NRG1: variants seen among roughly 807,000 people sequenced by gnomAD.
The protein encoded by NRG1 is neuregulin 1.
NRG1 carries 18 observed loss-of-function variants against 63.8 expected under a neutral mutation model. The observed-to-expected ratio is 0.28, with a 90% CI of 0.19 to 0.42. NRG1 has a LOEUF of 0.42. Ranked by LOEUF, NRG1 falls within the 10% of genes least tolerant of loss-of-function variation. The pLI, the probability that NRG1 is intolerant of heterozygous loss-of-function variation, is 1.00. For synonymous variants in NRG1, 302 were observed against 301.3 expected (o/e 1.00, Z -0.02); for missense variants, 762 against 814.7 (o/e 0.94, Z 0.79).
intron 1 of NRG1, among the ~76,000 whole-genome samples, chr8:32,307,783 C>T (rs1244588048): frequency 6.6e-6 from 1 of 152,146 alleles, no homozygotes; most frequent in Non-Finnish European, 1.5e-5. Flanking sequence ...AGCATGGCTG[C>T]AGGGTACTCA....
chr8:32,012,628 A>G (rs1397834792), intron 1 of NRG1, among the ~76,000 whole-genome samples: 1 of 152,122 alleles, frequency 6.6e-6, no homozygotes, highest in Non-Finnish European at 1.5e-5. Flanking sequence ...CATCATTTAT[A>G]GCTAATTGAA....
intron 1 of NRG1, among the ~76,000 whole-genome samples, chr8:31,936,216 G>T (rs1466287192): frequency 6.6e-6 from 1 of 152,148 alleles, no homozygotes; most frequent in Non-Finnish European, 1.5e-5. Context: ...TTCTATTTAA[G>T]TATTAAGTAT....
chr8:32,548,246 C>A (rs933566215), upstream of NRG1: 3 of 985,570 alleles, frequency 3.0e-6, no homozygotes, highest in Admixed American at 6.1e-5. Flanking sequence ...CGCCTGCCTC[C>A]AACCTGCGGG....
chr8:32,353,428 TTG>T (rs1190012590), intron 1 of NRG1, among the ~76,000 whole-genome samples: 4 of 151,888 alleles, frequency 2.6e-5, no homozygotes, highest in Non-Finnish European at 4.4e-5. Context: ...TTGTAATATT[TTG>T]TAACTAATGA....
In NRG1 at chr8:32,046,625, A is replaced by T. The variant is rs532260792; in HGVS notation, c.37+407194A>T. Among the ~76,000 whole-genome samples the T allele has an allele frequency of 2.0e-5, 3 of 152,240 alleles. No homozygotes were observed. The South Asian group carries it at 6.2e-4, about 32-fold the overall frequency. Reference sequence around the variant, plus strand: ...GTCAATTAAAAGGAATGAATTATTGATTTGTGCAACAACTTGGATGAATTT... The same window carrying T: ...GTCAATTAAAAGGAATGAATTATTGTTTTGTGCAACAACTTGGATGAATTT... On this transcript the variant is annotated intron_variant, in intron 1 of 10. Transcript: ENST00000519301.
intron 1 of NRG1, among the ~76,000 whole-genome samples, chr8:32,443,830 T>G (rs1482505167): frequency 3.7e-5 from 1 of 27,066 alleles, no homozygotes; most frequent in Non-Finnish European, 1.1e-4. Flanking sequence ...ATGGAGTTTC[T>G]TAAAGAGAGA....
At chr8:32,038,748 G>T (rs1052995236) in intron 1 of NRG1, among the ~76,000 whole-genome samples, 3 of 152,058 alleles carry the variant, frequency 2.0e-5, no homozygotes, top group Admixed American at 1.3e-4. Flanking sequence ...CTGTGAGAGG[G>T]CTTGGTGTTC....
chr8:32,311,731 C>T (rs1856821127), intron 1 of NRG1, among the ~76,000 whole-genome samples: 1 of 152,144 alleles, frequency 6.6e-6, no homozygotes, highest in South Asian at 2.1e-4. Context: ...CTTTGCATCC[C>T]CAGAACCTAG....
chr8:32,497,228 T>C (rs912184530), intron 1 of NRG1, among the ~76,000 whole-genome samples: 2 of 151,974 alleles, frequency 1.3e-5, no homozygotes, highest in Non-Finnish European at 2.9e-5. Flanking sequence ...AGGTGGATCA[T>C]CTGAGGTCAG....
intron 1 of NRG1, among the ~76,000 whole-genome samples, chr8:32,212,306 G>T (rs757691159): frequency 6.6e-6 from 1 of 152,096 alleles, no homozygotes; most frequent in Non-Finnish European, 1.5e-5. Context: ...CAATTTAAGA[G>T]CACTCAGTAA....
intron 1 of NRG1, among the ~76,000 whole-genome samples, chr8:32,527,247 CCAT>C (rs1830948690): frequency 6.6e-6 from 1 of 152,162 alleles, no homozygotes; most frequent in South Asian, 2.1e-4. Flanking sequence ...ACCTAAGTGT[CCAT>C]CAATGGATTG....
intron 1 of NRG1, among the ~76,000 whole-genome samples, chr8:31,819,000 G>A (rs1823735731): frequency 6.6e-6 from 1 of 152,164 alleles, no homozygotes; most frequent in African/African-American, 2.4e-5. Context: ...GTTGCAGTGA[G>A]CCGAGATCGC....
intron 1 of NRG1, among the ~76,000 whole-genome samples, chr8:32,039,658 A>G (rs1819618804): frequency 1.3e-5 from 2 of 152,168 alleles, no homozygotes; most frequent in African/African-American, 4.8e-5. Flanking sequence ...TTTAACAAAC[A>G]TTATTGAGTA....
rs138536822 is a variant in NRG1, at chr8:32,749,746, A to T, written c.692-4626A>T. On this transcript the variant is annotated intron_variant, in intron 7 of 11. Coordinates refer to ENST00000356819, the Ensembl canonical transcript of NRG1. ...ATGATTTCTCTGCCTTCAATCTATG[A>T]TTAGTTTACTGAAATGTTACTGAGT... 6.1e-5 allele frequency: 42 copies of T among 693,402 alleles called. No individual in the cohort carries two copies. In the East Asian group the frequency reaches 1.1e-3, roughly 18 times the overall value. 43.0% of individuals were successfully genotyped at this position (693,402 alleles called of 1,614,324 possible).
At chr8:31,872,939 G>A (rs985367859) in intron 1 of NRG1, among the ~76,000 whole-genome samples, 3 of 152,086 alleles carry the variant, frequency 2.0e-5, no homozygotes, top group Non-Finnish European at 4.4e-5. Context: ...CTCAGATTAA[G>A]GCATATTTGG....
intron 1 of NRG1, among the ~76,000 whole-genome samples, chr8:31,983,292 G>T (rs968940898): frequency 1.3e-5 from 2 of 152,042 alleles, no homozygotes; most frequent in Admixed American, 6.6e-5. Context: ...ATTTCAGACT[G>T]CTTTTATAAA....
chr8:31,853,375 T>A (rs1262811461), intron 1 of NRG1, among the ~76,000 whole-genome samples: 10 of 150,764 alleles, frequency 6.6e-5, no homozygotes, highest in African/African-American at 2.4e-4. Flanking sequence ...TTGAAGCAAT[T>A]GTGAATGGGA....
intron 1 of NRG1, chr8:31,641,778 C>A (rs769072729): frequency 1.3e-5 from 2 of 152,060 alleles, no homozygotes; most frequent in Non-Finnish European, 2.9e-5. Context: ...TTTATGTATC[C>A]GTCTAATAGA....
intron 9 of NRG1, among the ~76,000 whole-genome samples, chr8:32,756,828 CAAATT>C (rs1340032306): frequency 1.3e-5 from 2 of 152,040 alleles, no homozygotes; most frequent in African/African-American, 4.8e-5. Context: ...GGGGAGAAAA[CAAATT>C]TAATAGTACG....
Sources: allele counts gnomAD v4.1 joint callset (sites outside exome capture counted in the v4.1 genomes callset), GRCh38; gene constraint gnomAD v4.1.1; transcripts MANE v1.5; gene names NCBI Gene and HGNC (gene_info 2026-07-23, HGNC 2026-07-21).